Variants in ZNF124 observed in about 807,000 individuals in gnomAD.
The protein encoded by ZNF124 is zinc finger protein HZF-16.
A neutral mutation model predicts 26.6 loss-of-function variants in ZNF124; 25 were observed. The observed-to-expected ratio is 0.94, with a 90% CI of 0.68 to 1.31. The LOEUF is 1.31. ZNF124 is among the 40% of genes most tolerant of loss of function. The pLI is 0.00. For synonymous variants in ZNF124, 129 were observed against 133.3 expected, an observed-to-expected ratio of 0.97 and a Z score of 0.22; for missense variants, 444 against 422.2, an observed-to-expected ratio of 1.05 and a Z score of -0.45.
exon 4 of ZNF124, chr1:247,122,943 C>T (rs1347898737): frequency 6.6e-6 from 1 of 152,180 alleles, no homozygotes; most frequent in Non-Finnish European, 1.5e-5. Flanking sequence ...CAATGGCTTC[C>T]AACCTAATTC....
At chr1:247,154,611 C>G (rs767490797), downstream of ZNF124, among the ~76,000 whole-genome samples, 2 of 151,952 alleles carry the variant, frequency 1.3e-5, no homozygotes, top group Non-Finnish European at 2.9e-5. Context: ...TCAAAAGATG[C>G]TACAAAACTG....
chr1:247,124,071 G>A (rs1363362338), intron 3 of ZNF124, among the ~76,000 whole-genome samples: 6 of 151,638 alleles, frequency 4.0e-5, no homozygotes, highest in Non-Finnish European at 7.4e-5. Flanking sequence ...CTCATGATCC[G>A]CCCGCCTCGG....
intron 1 of ZNF124, among the ~76,000 whole-genome samples, chr1:247,160,965 T>C (rs1363833407): frequency 6.6e-6 from 1 of 152,184 alleles, no homozygotes; most frequent in African/African-American, 2.4e-5. Flanking sequence ...ATAGAATAAG[T>C]GAAAAGGCAT....
At chr1:247,140,161 A>G (rs929378918) in intron 3 of ZNF124, among the ~76,000 whole-genome samples, 8 of 152,092 alleles carry the variant, frequency 5.3e-5, no homozygotes, top group African/African-American at 1.9e-4. Flanking sequence ...ACAAAATACC[A>G]TATTGCTCAG....
At chr1:247,124,015 A>T (rs1672145312) in intron 3 of ZNF124, 1 of 492,824 alleles carries the variant, frequency 2.0e-6, no homozygotes, top group African/African-American at 2.5e-5. Context: ...TTTTTAGTAG[A>T]GACGGGGTTT....
chr1:247,147,832 GT>G lies in ZNF124; in HGVS notation c.218+11173del, dbSNP rs542391601. 3.3e-4 allele frequency among the ~76,000 whole-genome samples: 50 copies of G among 152,020 alleles called. 1 individual carries two copies. In the Middle Eastern group the frequency reaches 0.01, roughly 31 times the overall value. ...AAACACATACAACAAAATTCTAACT[GT>G]AAATTTTGGTGTAGAAACACAAGAA... On this transcript the variant is annotated intron_variant, in intron 3 of 3. Transcript: ENST00000472531.
intron 2 of ZNF124, 39 bp downstream of exon 2, chr1:247,159,648 T>C (rs1372709903): frequency 6.3e-7 from 1 of 1,599,742 alleles, no homozygotes; most frequent in South Asian, 1.1e-5. Flanking sequence ...AAACACTTAC[T>C]TTCTGATTGA....
chr1:247,136,915 C>G (rs1672497581), intron 3 of ZNF124, among the ~76,000 whole-genome samples: 1 of 151,064 alleles, frequency 6.6e-6, no homozygotes, highest in South Asian at 2.1e-4. Flanking sequence ...CCACCGCACT[C>G]TAGCCTGGGC....
chr1:247,165,932 G>T (rs1318388884), intron 1 of ZNF124, among the ~76,000 whole-genome samples: 1 of 152,150 alleles, frequency 6.6e-6, no homozygotes, highest in Non-Finnish European at 1.5e-5. Context: ...AATCCCAGCA[G>T]TTCAGGAGGT....
At chr1:247,151,329 A>G (rs1409664496), downstream of ZNF124, among the ~76,000 whole-genome samples, 1 of 152,088 alleles carries the variant, frequency 6.6e-6, no homozygotes, top group Admixed American at 6.6e-5. Context: ...AATACAAAAA[A>G]TTAGCCGGGC....
chr1:247,123,254 T>G (rs1330290023), exon 4 of ZNF124: 2 of 152,336 alleles, frequency 1.3e-5, no homozygotes, highest in Non-Finnish European at 2.9e-5. Context: ...TGGAGTACAG[T>G]GGCGCGATCT....
rs765594033 is a variant in ZNF124 at position 247,156,665 on chromosome 1, T to G, written c.957A>C (p.Glu319Asp). Residue 319 changes from glutamate (E) to aspartate (D), a missense_variant, in exon 4 of 4, where the codon GAA becomes GAC. Physicochemically the swap from Glu to Asp is conservative, Grantham distance 45. Transcript: ENST00000543802. Reference protein sequence around the residue: ...ERTHTGEKPYECQKCGKAFSR... With the variant: ...ERTHTGEKPYDCQKCGKAFSR... ...TAAAGGCTTTGCCACATTTCTGACA[T>G]TCATAGGGTTTCTCTCCAGTATGAG... is the stretch of plus-strand genomic sequence containing the variant. 72 of 1,612,388 alleles carry G rather than the reference T, an allele frequency of 4.5e-5. No individual in the cohort carries two copies. Among genetic ancestry groups the G allele is most frequent in the Non-Finnish European group, 5.2e-5 (61 of 1,179,540 alleles).
chr1:247,127,895 G>A (rs553161717), intron 3 of ZNF124, among the ~76,000 whole-genome samples: 1 of 151,996 alleles, frequency 6.6e-6, no homozygotes, highest in African/African-American at 2.4e-5. Context: ...TTTGTCTGCA[G>A]CTTGTCCTGC....
chr1:247,138,696 T>G (rs1672550312), intron 3 of ZNF124: 1 of 398,474 alleles, frequency 2.5e-6, no homozygotes, highest in African/African-American at 2.1e-5. Context: ...GAAAGGTACA[T>G]ACATAGACCC....
rs775930982 is a variant in ZNF124 at position 247,157,120 on chromosome 1, G to A, written c.502C>T (p.His168Tyr). The A allele has an allele frequency of 6.8e-6, 11 of 1,614,114 alleles. No individual in the cohort carries two copies. The highest frequency in any genetic ancestry group is 8.5e-6 in the Non-Finnish European group (10 of 1,180,012). The part of the protein sequence containing the change: ...ALGFSRSLNR[H>Y]KRIHTGEKRY... ...TTTTCTCCAGTGTGAATCCTTTTAT[G>A]TCTATTAAGAGAACGGGAAAAACCT... is the stretch of plus-strand genomic sequence containing the variant. The change falls in exon 4 of 4, where the codon CAT becomes TAT. Residue 168 changes from histidine (H) to tyrosine (Y), a missense_variant. His to Tyr is a moderately conservative substitution (Grantham distance 83). Coordinates refer to ENST00000543802, the MANE Select transcript of ZNF124 (RefSeq NM_001297568.2).
At chr1:247,127,845 G>A (rs1400346596) in intron 3 of ZNF124, among the ~76,000 whole-genome samples, 1 of 148,636 alleles carries the variant, frequency 6.7e-6, no homozygotes, top group Non-Finnish European at 1.5e-5. Flanking sequence ...GCTTCCGGCA[G>A]AATGAAGCCC....
chr1:247,135,660 T>TCCTCC (rs1672464633), intron 3 of ZNF124, among the ~76,000 whole-genome samples: 1 of 152,134 alleles, frequency 6.6e-6, no homozygotes, highest in Admixed American at 6.5e-5. Flanking sequence ...AAGGAAGGAC[T>TCCTCC]CCTCCCTAAC....
chr1:247,156,903 C>T lies in ZNF124; in HGVS notation c.719G>A (p.Gly240Asp). The change falls in exon 4 of 4, where the codon GGC (glycine) becomes GAC (aspartate). Residue 240 changes from glycine to aspartate, a missense_variant. Physicochemically the swap from Gly to Asp is moderately conservative, Grantham distance 94. Transcript: ENST00000543802. ...GGAACTGAGACAACTGAAAGCTTTG[C>T]CACATTCCATGCACACATAAGGTTT... ...GEKPYVCMEC[G>D]KAFSCLSSLQ... 1 of 1,614,048 alleles carries T rather than the reference C, an allele frequency of 6.2e-7. No individual in the cohort carries two copies. The highest frequency in any genetic ancestry group is 8.5e-7 in the Non-Finnish European group (1 of 1,180,014).
chr1:247,139,169 T>C (rs1294189548), intron 3 of ZNF124, among the ~76,000 whole-genome samples: 3 of 152,246 alleles, frequency 2.0e-5, no homozygotes, highest in Non-Finnish European at 4.4e-5. Context: ...CAGGACCTCC[T>C]GGGGTTGTGT....
Sources: gnomAD v4.1 joint callset for allele counts (sites outside exome capture counted in the v4.1 genomes callset) on GRCh38, gnomAD v4.1.1 for gene constraint, MANE v1.5 for transcripts, NCBI Gene and HGNC (gene_info 2026-07-23, HGNC 2026-07-21) for gene names.